Variants in VAMP2 observed in about 807,000 individuals in gnomAD.
The protein encoded by VAMP2 is vesicle associated membrane protein 2, also known as vesicle-associated membrane protein 2.
For missense variants in VAMP2, 95 were observed against 151.3 expected (o/e 0.63, Z 1.95); for synonymous variants, 67 against 57.3 (o/e 1.17, Z -0.76).
At chr17:8,162,824 A>C (rs1004757873) in intron 1 of VAMP2, 54 bp downstream of exon 1, 1 of 1,214,272 alleles carries the variant, frequency 8.2e-7, no homozygotes, top group Non-Finnish European at 1.0e-6. Flanking sequence ...CCGGTTGCCA[A>C]GGGCGGCGGC....
rs1983260605 is a variant in VAMP2 at position 8,160,380 on chromosome 17, G to GTTTGTTTTTTTTT, written c.*474_*475insAAAAAAAAACAAA. The GTTTGTTTTTTTTT allele has an allele frequency of 2.8e-5, 1 of 35,108 alleles. No individual in the cohort carries two copies. Among genetic ancestry groups the GTTTGTTTTTTTTT allele is most frequent in the Non-Finnish European group, 5.0e-5 (1 of 20,096 alleles). 2.2% of individuals were successfully genotyped at this position (35,108 alleles called of 1,614,324 possible). A position where few individuals can be genotyped will look rare whatever the true frequency, so the allele number is the denominator to read the frequency against. ...TAAGGAAGCCTGGACAGGTGCTGTT[G>GTTTGTTTTTTTTT]TTTTTTTTTTTTTTTTTTTTTTTTT... On this transcript the variant is annotated 3_prime_UTR_variant, in exon 5 of 5. Transcript: ENST00000316509.
chr17:8,162,309 T>C lies in VAMP2; in HGVS notation c.63A>G (p.Ala21=). The C allele has an allele frequency of 6.3e-7, 1 of 1,599,490 alleles. No homozygotes were observed. The highest frequency in any genetic ancestry group is 8.5e-7 in the Non-Finnish European group (1 of 1,174,966). ...AAPAGEGGPP[A]PPPNLTSNRR... ...TGTTACTGGTGAGGTTTGGAGGGGGTGCAGGGGGACCACCCTCCCCAGCCG... is the reference window on the plus strand; with the variant it reads ...TGTTACTGGTGAGGTTTGGAGGGGGCGCAGGGGGACCACCCTCCCCAGCCG... Residue 21 remains alanine, a synonymous_variant, in exon 2 of 5, where the codon GCA becomes GCG. Transcript: ENST00000316509.
At position 8,160,461 on chromosome 17, in the gene VAMP2, G is replaced by A. The variant is rs1567543459; in HGVS notation, c.*394C>T. 1 of 137,938 alleles carries A rather than the reference G, an allele frequency of 7.2e-6. No homozygotes were observed. Among genetic ancestry groups the A allele is most frequent in the Non-Finnish European group, 1.5e-5 (1 of 65,620 alleles). The allele number at this position is 137,938 out of a possible 1,614,324, so 8.5% of individuals were successfully genotyped here. A position where few individuals can be genotyped will look rare whatever the true frequency, so the allele number is the denominator to read the frequency against. On this transcript the variant is annotated 3_prime_UTR_variant, in exon 5 of 5. Coordinates refer to ENST00000316509, the MANE Select transcript of VAMP2 (RefSeq NM_014232.3). ...GAGTGAGGAGGAAAGAGGAAAGGAAGGCCAGGGTGGGAGGAAGGATCAGCT... is the reference window on the plus strand; with the variant it reads ...GAGTGAGGAGGAAAGAGGAAAGGAAAGCCAGGGTGGGAGGAAGGATCAGCT...
chr17:8,162,789 G>A (rs2304909), intron 1 of VAMP2, 89 bp downstream of exon 1: 794,682 of 1,229,486 alleles, frequency 0.65, 259,185 homozygotes, highest in South Asian at 0.71. Flanking sequence ...GGGAACGCAG[G>A]AGAGACCCCG....
At chr17:8,161,250 C>T (rs1983302545) in intron 4 of VAMP2, 1 of 677,530 alleles carries the variant, frequency 1.5e-6, no homozygotes, top group African/African-American at 1.8e-5. Flanking sequence ...AATGGATACA[C>T]CAGCTTTCCT....
chr17:8,162,790 A>C, intron 1 of VAMP2, 88 bp downstream of exon 1: 3 of 1,224,298 alleles, frequency 2.5e-6, no homozygotes, highest in Non-Finnish European at 3.1e-6. Context: ...GGAACGCAGG[A>C]GAGACCCCGG....
In VAMP2 at chr17:8,162,865, G is replaced by A. The variant is rs1338759893; in HGVS notation, c.2+13C>T. ...CAGGGAAGCGCGGTGAGGGTGGCGG[G>A]CGGCCGACTCACATGGCGGGGGCAG... On this transcript the variant is annotated intron_variant, in intron 1 of 4. Transcript: ENST00000316509. 3 of 1,213,768 alleles carry A rather than the reference G, an allele frequency of 2.5e-6. No homozygotes were observed. Among genetic ancestry groups the A allele is most frequent in the Non-Finnish European group, 3.1e-6 (3 of 976,328 alleles). 75.2% of individuals were successfully genotyped at this position (1,213,768 alleles called of 1,614,324 possible).
intron 4 of VAMP2, chr17:8,161,099 C>A: frequency 1.8e-6 from 1 of 558,488 alleles, no homozygotes; most frequent in Non-Finnish European, 3.2e-6. Context: ...GACCCTAATC[C>A]TCTGAGCCTC....
chr17:8,161,913 A>C (rs1983324344), intron 2 of VAMP2, 147 bp from the exon 3 acceptor site: 3 of 1,295,844 alleles, frequency 2.3e-6, no homozygotes, highest in Non-Finnish European at 2.1e-6. Context: ...GAACATGCCT[A>C]GCACACCTGG....
intron 4 of VAMP2, 133 bp from the exon 5 acceptor site, chr17:8,161,004 C>T (rs537364950): frequency 3.4e-5 from 25 of 726,504 alleles, no homozygotes; most frequent in Non-Finnish European, 6.8e-6. Flanking sequence ...CTCTCTTGGA[C>T]TCAGTTTTTC....
rs1269767146 is a variant in VAMP2, at chr17:8,160,694, T to C, written c.*161A>G. The stretch of plus-strand genomic sequence containing the variant: ...GACCAAATATATATAATATTATATA[T>C]GTATAAATAACAGCTGGCTATTTAC... On this transcript the variant is annotated 3_prime_UTR_variant, in exon 5 of 5. Transcript: ENST00000316509. 1 of 463,468 alleles carries C rather than the reference T, an allele frequency of 2.2e-6. No homozygotes were observed. Among genetic ancestry groups the C allele is most frequent in the South Asian group, 6.2e-5 (1 of 16,106 alleles). 28.7% of individuals were successfully genotyped at this position (463,468 alleles called of 1,614,324 possible). A position where few individuals can be genotyped will look rare whatever the true frequency, so the allele number is the denominator to read the frequency against.
At chr17:8,161,555 A>C (rs2151865325) in intron 3 of VAMP2, 31 bp from the exon 4 acceptor site, 1 of 1,614,108 alleles carries the variant, frequency 6.2e-7, no homozygotes, top group East Asian at 2.2e-5. Flanking sequence ...TCAGTAAGAC[A>C]AACTATGATA....
intron 1 of VAMP2, 43 bp downstream of exon 1, chr17:8,162,835 C>T (rs529052595): frequency 1.6e-6 from 2 of 1,214,278 alleles, no homozygotes; most frequent in Non-Finnish European, 2.0e-6. Context: ...GGGCGGCGGC[C>T]GGCGCAGGGA....
rs377279629 is a variant in VAMP2, at chr17:8,160,849, G to C, written c.*6C>G. Reference sequence around the variant, plus strand: ...CTTCTCTAGGCAGGGCAGACTCCTCGGGGATTTAAGTGCTGAAGTAAACTG... The same window carrying C: ...CTTCTCTAGGCAGGGCAGACTCCTCCGGGATTTAAGTGCTGAAGTAAACTG... On this transcript the variant is annotated 3_prime_UTR_variant, in exon 5 of 5. Transcript: ENST00000316509. 2.5e-6 allele frequency: 4 copies of C among 1,610,028 alleles called. No individual in the cohort carries two copies. The highest frequency in any genetic ancestry group is 1.1e-5 in the South Asian group (1 of 90,666).
intron 2 of VAMP2, among the ~76,000 whole-genome samples, 178 bp from the exon 3 acceptor site, chr17:8,161,944 T>G (rs951430369): frequency 1.3e-5 from 2 of 152,080 alleles, no homozygotes; most frequent in Non-Finnish European, 2.9e-5. Context: ...GGAGCACACA[T>G]CAGGGGCATG....
chr17:8,162,810 A>C, intron 1 of VAMP2, 68 bp downstream of exon 1: 1 of 1,215,374 alleles, frequency 8.2e-7, no homozygotes, highest in Non-Finnish European at 1.0e-6. Context: ...GGCACTCCCG[A>C]CGGCCGGTTG....
Position 8,160,377 on chromosome 17 carries a change from GTTGTTTTTTT to G in VAMP2, c.*468_*477del, listed in dbSNP as rs1983258918. On this transcript the variant is annotated 3_prime_UTR_variant, in exon 5 of 5. Coordinates refer to ENST00000316509, the MANE Select transcript of VAMP2 (RefSeq NM_014232.3). ...ACCTAAGGAAGCCTGGACAGGTGCT[GTTGTTTTTTT>G]TTTTTTTTTTTTTTTTTTGAGGGCG... 1 of 39,474 alleles carries G rather than the reference GTTGTTTTTTT, an allele frequency of 2.5e-5. No homozygotes were observed. The highest frequency in any genetic ancestry group is 1.0e-3 in the South Asian group (1 of 978). 2.4% of individuals were successfully genotyped at this position (39,474 alleles called of 1,614,324 possible).
rs541869485 is a variant in VAMP2 at position 8,160,738 on chromosome 17, A to G, written c.*117T>C. The stretch of plus-strand genomic sequence containing the variant: ...TATTTACAGGGGGACACACACACGG[A>G]CACACACACACACGGATCCAGGGGA... On this transcript the variant is annotated 3_prime_UTR_variant, in exon 5 of 5. Transcript: ENST00000316509. 1 of 609,320 alleles carries G rather than the reference A, an allele frequency of 1.6e-6. No homozygotes were observed. Among genetic ancestry groups the G allele is most frequent in the East Asian group, 4.3e-5 (1 of 23,028 alleles). The allele number at this position is 609,320 out of a possible 1,614,324, so 37.7% of individuals were successfully genotyped here.
intron 4 of VAMP2, 121 bp from the exon 5 acceptor site, chr17:8,160,992 C>A: frequency 1.2e-6 from 1 of 844,060 alleles, no homozygotes; most frequent in Non-Finnish European, 1.9e-6. Context: ...CTGGCTGACA[C>A]CCTCTCTTGG....
Sources: allele counts gnomAD v4.1 joint callset (sites outside exome capture counted in the v4.1 genomes callset), GRCh38; gene constraint gnomAD v4.1.1; transcripts MANE v1.5; gene names NCBI Gene and HGNC (gene_info 2026-07-23, HGNC 2026-07-21).